The following THSD7B variants were observed in gnomAD, a reference collection of about 807,000 sequenced individuals.
THSD7B encodes the protein thrombospondin type-1 domain-containing protein 7B.
Under a neutral mutation model 213.6 loss-of-function variants are expected in THSD7B, and 138 were observed. The observed-to-expected ratio is 0.65, with a 90% CI of 0.56 to 0.74. The LOEUF (loss-of-function observed/expected upper bound fraction) is 0.74, where lower values mean the gene tolerates loss of function less well. THSD7B is among the 30% of genes least tolerant of loss of function. The probability of loss-of-function intolerance (pLI) is 0.00; values close to 1 mark genes in which losing one functional copy is unlikely to be tolerated. For missense variants in THSD7B, 1,931 were observed against 1,991.5 expected, an observed-to-expected ratio of 0.97 and a Z score of 0.58; for synonymous variants, 742 against 687.0, an observed-to-expected ratio of 1.08 and a Z score of -1.25.
intron 1 of THSD7B, among the ~76,000 whole-genome samples, chr2:136,801,526 A>AGTCCGAT (rs1287254815): frequency 6.6e-6 from 1 of 152,108 alleles, no homozygotes; most frequent in Non-Finnish European, 1.5e-5. Flanking sequence ...TTTTGGCCTC[A>AGTCCGAT]GTCCGATGTA....
chr2:136,951,000 A>G (rs1685028967), intron 2 of THSD7B, among the ~76,000 whole-genome samples: 1 of 152,056 alleles, frequency 6.6e-6, no homozygotes, highest in South Asian at 2.1e-4. Flanking sequence ...AGATACTGAA[A>G]CTACTTTTAA....
At chr2:137,363,775 C>T (rs190444912) in intron 12 of THSD7B, among the ~76,000 whole-genome samples, 2 of 152,236 alleles carry the variant, frequency 1.3e-5, no homozygotes, top group African/African-American at 4.8e-5. Context: ...GAGTCCAAGA[C>T]CAGACAGATT....
chr2:137,148,627 G>A (rs1573853309), intron 5 of THSD7B, among the ~76,000 whole-genome samples: 1 of 152,194 alleles, frequency 6.6e-6, no homozygotes, highest in African/African-American at 2.4e-5. Flanking sequence ...TCCAGGCTGA[G>A]GTGGTATCAG....
chr2:137,068,036 A>G (rs1019113766), intron 3 of THSD7B, among the ~76,000 whole-genome samples: 1 of 152,060 alleles, frequency 6.6e-6, no homozygotes, highest in Admixed American at 6.6e-5. Flanking sequence ...TCCTGGTTCT[A>G]GTAGTGGTTT....
At chr2:136,883,595 C>A (rs183489226) in intron 2 of THSD7B, among the ~76,000 whole-genome samples, 2 of 152,190 alleles carry the variant, frequency 1.3e-5, no homozygotes, top group Non-Finnish European at 2.9e-5. Flanking sequence ...ATTTTTATGA[C>A]TACTGTCGAA....
chr2:136,836,771 G>T (rs1441811255), intron 1 of THSD7B, among the ~76,000 whole-genome samples: 1 of 152,102 alleles, frequency 6.6e-6, no homozygotes. Flanking sequence ...TTTTGTGTCT[G>T]CCATCTAGTG....
chr2:137,170,848 T>C lies in THSD7B; in HGVS notation c.1633T>C (p.Trp545Arg), dbSNP rs1382404600. The change falls in exon 7 of 28, where the codon TGG (tryptophan) becomes CGG (arginine). Residue 545 changes from tryptophan to arginine, a missense_variant. Physicochemically the swap from Trp to Arg is moderately radical, Grantham distance 101. Transcript: ENST00000409968. The stretch of plus-strand genomic sequence containing the variant: ...TTGTGAGGATCCAATGTGCTACCGA[T>C]GGCTGGCATCAGAAGGGATCTGTTT... ...VPCEDPMCYR[W>R]LASEGICFPD... is the part of the protein sequence containing the mutation. 2 of 1,613,718 alleles carry C rather than the reference T, an allele frequency of 1.2e-6. No individual in the cohort carries two copies. The highest frequency in any genetic ancestry group is 2.2e-5 in the South Asian group (2 of 91,074).
At chr2:136,873,206 C>A (rs1038823452) in intron 1 of THSD7B, among the ~76,000 whole-genome samples, 1 of 151,910 alleles carries the variant, frequency 6.6e-6, no homozygotes, top group Admixed American at 6.6e-5. Flanking sequence ...GGACTTTTTG[C>A]GAAATTTTCT....
intron 17 of THSD7B, among the ~76,000 whole-genome samples, chr2:137,598,716 G>C (rs1191599468): frequency 6.6e-6 from 1 of 152,094 alleles, no homozygotes; most frequent in African/African-American, 2.4e-5. Context: ...TAAATCACTT[G>C]AATAGCATTT....
At chr2:137,010,969 C>A (rs1471509356) in intron 2 of THSD7B, among the ~76,000 whole-genome samples, 4 of 152,098 alleles carry the variant, frequency 2.6e-5, no homozygotes, top group Non-Finnish European at 5.9e-5. Flanking sequence ...AGGTAATTAA[C>A]ATAATTTTTA....
intron 7 of THSD7B, among the ~76,000 whole-genome samples, chr2:137,227,088 T>C (rs549543996): frequency 2.6e-5 from 4 of 152,298 alleles, no homozygotes; most frequent in Admixed American, 2.6e-4. Flanking sequence ...TAACAGAAAC[T>C]GCTCAATGCG....
chr2:137,621,707 T>G (rs1682523231), intron 20 of THSD7B, among the ~76,000 whole-genome samples: 1 of 152,028 alleles, frequency 6.6e-6, no homozygotes, highest in African/African-American at 2.4e-5. Flanking sequence ...AAATTTGGAG[T>G]AAGGACCTAG....
At chr2:137,224,929 T>G (rs1681461209) in intron 7 of THSD7B, among the ~76,000 whole-genome samples, 1 of 152,224 alleles carries the variant, frequency 6.6e-6, no homozygotes, top group African/African-American at 2.4e-5. Flanking sequence ...AAATATTTTT[T>G]TCTTATTCTT....
chr2:136,965,010 CAAAAA>C (rs70975732), intron 2 of THSD7B, among the ~76,000 whole-genome samples: 6 of 118,082 alleles, frequency 5.1e-5, no homozygotes, highest in Admixed American at 8.9e-5. Flanking sequence ...GACCCTGTCT[CAAAAA>C]AAAAAAAAAA....
chr2:137,258,366 A>G (rs1195456809), intron 10 of THSD7B, among the ~76,000 whole-genome samples: 2 of 152,024 alleles, frequency 1.3e-5, no homozygotes, highest in Admixed American at 1.3e-4. Context: ...TATGTGGGGA[A>G]GTGGTCCTCT....
chr2:137,467,951 G>A (rs1688024617), intron 15 of THSD7B, among the ~76,000 whole-genome samples: 1 of 152,146 alleles, frequency 6.6e-6, no homozygotes, highest in African/African-American at 2.4e-5. Flanking sequence ...AACTATGTAA[G>A]CCTCTTTGGG....
chr2:137,258,752 G>A (rs905547522), intron 10 of THSD7B, among the ~76,000 whole-genome samples: 1 of 151,010 alleles, frequency 6.6e-6, no homozygotes, highest in African/African-American at 2.4e-5. Flanking sequence ...ATGCCATGGT[G>A]ATTTGCTGCA....
chr2:136,823,819 T>C (rs1682602053), intron 1 of THSD7B, among the ~76,000 whole-genome samples: 1 of 152,206 alleles, frequency 6.6e-6, no homozygotes, highest in Non-Finnish European at 1.5e-5. Flanking sequence ...ACAAAGAAGA[T>C]CTGGATAAGT....
intron 1 of THSD7B, among the ~76,000 whole-genome samples, chr2:136,771,082 A>G (rs569683710): frequency 1.3e-4 from 20 of 152,304 alleles, no homozygotes; most frequent in African/African-American, 4.6e-4. Flanking sequence ...ATGTGGGAGT[A>G]GTTCAACAAG....
Sources: allele counts gnomAD v4.1 joint callset (sites outside exome capture counted in the v4.1 genomes callset), GRCh38; gene constraint gnomAD v4.1.1; transcripts MANE v1.5; gene names NCBI Gene and HGNC (gene_info 2026-07-23, HGNC 2026-07-21).